XKR4: variants seen among roughly 807,000 people sequenced by gnomAD.
XKR4 encodes XK related 4.
Under a neutral mutation model 53.9 loss-of-function variants are expected in XKR4, and 12 were observed. The observed-to-expected ratio is 0.22, with a 90% confidence interval of 0.14 to 0.36. The LOEUF (loss-of-function observed/expected upper bound fraction) is 0.36. Ranked by LOEUF, XKR4 falls within the 10% of genes least tolerant of loss-of-function variation. The pLI, the probability that XKR4 is intolerant of heterozygous loss-of-function variation, is 1.00. For synonymous variants in XKR4, 354 were observed against 362.4 expected (o/e 0.98, Z 0.26); for missense variants, 799 against 859.5 (o/e 0.93, Z 0.88).
chr8:55,445,038 GA>G (rs1805324402), intron 2 of XKR4, among the ~76,000 whole-genome samples: 1 of 152,086 alleles, frequency 6.6e-6, no homozygotes, highest in Non-Finnish European at 1.5e-5. Context: ...TGACATGTAT[GA>G]ATTTTGTTTT....
chr8:55,193,064 A>G (rs2129361216), intron 1 of XKR4, among the ~76,000 whole-genome samples: 1 of 152,002 alleles, frequency 6.6e-6, no homozygotes, highest in South Asian at 2.1e-4. Context: ...TGGTGATGGG[A>G]GTGTCCGTAT....
At chr8:55,243,957 G>C (rs1818247253) in intron 1 of XKR4, among the ~76,000 whole-genome samples, 1 of 152,228 alleles carries the variant, frequency 6.6e-6, no homozygotes, top group African/African-American at 2.4e-5. Flanking sequence ...ATTATTCTAT[G>C]TGCGTGTGCA....
intron 1 of XKR4, among the ~76,000 whole-genome samples, chr8:55,243,305 C>G (rs930866082): frequency 1.3e-5 from 2 of 152,214 alleles, no homozygotes; most frequent in African/African-American, 2.4e-5. Flanking sequence ...ACAGAATAGT[C>G]TCACTGCCTA....
intron 2 of XKR4, among the ~76,000 whole-genome samples, chr8:55,420,284 C>T (rs570818516): frequency 3.9e-5 from 6 of 152,210 alleles, no homozygotes; most frequent in Non-Finnish European, 7.4e-5. Context: ...TTAGAAAGTT[C>T]CTTTGGCTGT....
chr8:55,173,625 A>C (rs1452125902), intron 1 of XKR4, among the ~76,000 whole-genome samples: 4 of 152,168 alleles, frequency 2.6e-5, no homozygotes, highest in African/African-American at 9.7e-5. Flanking sequence ...ACTGCCTAGC[A>C]CAGTGCCAGG....
chr8:55,162,065 T>C (rs1157834369), intron 1 of XKR4, among the ~76,000 whole-genome samples: 1 of 152,216 alleles, frequency 6.6e-6, no homozygotes, highest in Admixed American at 6.5e-5. Context: ...CCTACCTGTC[T>C]TTCAAAGCTC....
At chr8:55,279,861 C>G (rs1316194367) in intron 1 of XKR4, among the ~76,000 whole-genome samples, 1 of 152,192 alleles carries the variant, frequency 6.6e-6, no homozygotes, top group Non-Finnish European at 1.5e-5. Flanking sequence ...TAGATGTGAA[C>G]AGCTGTGCTT....
chr8:55,361,943 T>C (rs2622564), intron 2 of XKR4, among the ~76,000 whole-genome samples: 18,985 of 152,264 alleles, frequency 0.12, 1,567 homozygotes, highest in Non-Finnish European at 0.19. Flanking sequence ...CGTTCACATT[T>C]TTATTTCCAC....
intron 1 of XKR4, among the ~76,000 whole-genome samples, chr8:55,158,953 G>A (rs540546007): frequency 7.1e-4 from 108 of 152,168 alleles, no homozygotes; most frequent in African/African-American, 5.1e-4. Context: ...GAATTACCTC[G>A]GACATTCTGG....
chr8:55,480,066 A>C (rs945647730), intron 2 of XKR4, among the ~76,000 whole-genome samples: 9 of 152,192 alleles, frequency 5.9e-5, no homozygotes, highest in Non-Finnish European at 8.8e-5. Context: ...CCAGCATCAT[A>C]CTGATACCAA....
chr8:55,424,263 CA>C (rs1251198569), intron 2 of XKR4, among the ~76,000 whole-genome samples: 1 of 152,184 alleles, frequency 6.6e-6, no homozygotes, highest in Non-Finnish European at 1.5e-5. Context: ...CTATGCGTTA[CA>C]AAAAGTACTT....
intron 1 of XKR4, among the ~76,000 whole-genome samples, chr8:55,247,867 T>TCTTTCTTTCTTTCTTTCTTTC (rs1368785247): frequency 7.6e-5 from 2 of 26,336 alleles, no homozygotes; most frequent in Admixed American, 4.8e-4. Context: ...TTTTTTTTTT[T>TCTTTCTTTCTTTCTTTCTTTC]TTTTTTTGAG....
chr8:55,419,448 C>T (rs1804894486), intron 2 of XKR4, among the ~76,000 whole-genome samples: 1 of 152,236 alleles, frequency 6.6e-6, no homozygotes, highest in African/African-American at 2.4e-5. Flanking sequence ...TCTTTTAAAT[C>T]TGACTGTTCT....
intron 1 of XKR4, among the ~76,000 whole-genome samples, chr8:55,122,397 A>G (rs943627528): frequency 6.6e-6 from 1 of 152,248 alleles, no homozygotes; most frequent in Non-Finnish European, 1.5e-5. Context: ...AAAATTTTAC[A>G]TGATGCATTA....
chr8:55,346,558 A>T (rs1214511635), intron 1 of XKR4, among the ~76,000 whole-genome samples: 1 of 152,232 alleles, frequency 6.6e-6, no homozygotes, highest in East Asian at 1.9e-4. Flanking sequence ...GAGAAGGCAG[A>T]AGCCTAATAT....
At position 55,523,616 on chromosome 8, in the gene XKR4, G is replaced by A; in HGVS notation, c.1342G>A (p.Val448Ile). Reference protein sequence around the residue: ...GIIYIFSWFNVKEGRTRCRLF... With the variant: ...GIIYIFSWFNIKEGRTRCRLF... ...TATCTATATCTTCAGTTGGTTCAAT[G>A]TCAAGGAAGGCAGGACACGCTGCAG... The change falls in exon 3 of 3, where the codon GTC becomes ATC. Residue 448 changes from valine (V) to isoleucine (I), a missense_variant. Physicochemically the swap from Val to Ile is conservative, Grantham distance 29. Transcript: ENST00000327381. 1 of 1,614,160 alleles carries A rather than the reference G, an allele frequency of 6.2e-7. No homozygotes were observed. Among genetic ancestry groups the A allele is most frequent in the Non-Finnish European group, 8.5e-7 (1 of 1,180,024 alleles).
At chr8:55,454,598 C>T in intron 2 of XKR4, 1 of 1,396,162 alleles carries the variant, frequency 7.2e-7, no homozygotes, top group Non-Finnish European at 1.0e-6. Context: ...CGGTCACCAG[C>T]CCCCAAATAA....
chr8:55,147,177 T>C (rs1816781750), intron 1 of XKR4, among the ~76,000 whole-genome samples: 1 of 152,114 alleles, frequency 6.6e-6, no homozygotes, highest in Non-Finnish European at 1.5e-5. Flanking sequence ...GAGAAACAGG[T>C]ATATAAGAAA....
At chr8:55,477,781 G>A (rs1013228412) in intron 2 of XKR4, among the ~76,000 whole-genome samples, 6 of 152,080 alleles carry the variant, frequency 3.9e-5, no homozygotes, top group Non-Finnish European at 4.4e-5. Context: ...GAGCTGATGC[G>A]ATCAACTGGG....
Sources: gnomAD v4.1 joint callset for allele counts (sites outside exome capture counted in the v4.1 genomes callset) on GRCh38, gnomAD v4.1.1 for gene constraint, MANE v1.5 for transcripts, NCBI Gene and HGNC (gene_info 2026-07-23, HGNC 2026-07-21) for gene names.